SLC14A2: variants seen among roughly 807,000 people sequenced by gnomAD.
SLC14A2 encodes the protein urea transporter 2.
Under a neutral mutation model 104.6 loss-of-function variants are expected in SLC14A2, and 91 were observed. The ratio of observed to expected loss-of-function variants is 0.87; its 90% CI spans 0.73 to 1.04. The LOEUF (loss-of-function observed/expected upper bound fraction) is 1.04, where lower values mean the gene tolerates loss of function less well. Ranked by LOEUF, SLC14A2 falls within the 50% of genes least tolerant of loss-of-function variation. SLC14A2 has a pLI of 0.00. For missense variants in SLC14A2, 1,189 were observed against 1,156.0 expected (o/e 1.03, Z -0.41); for synonymous variants, 476 against 466.4 (o/e 1.02, Z -0.27).
chr18:45,230,850 A>G (rs2084167597), intron 1 of SLC14A2, among the ~76,000 whole-genome samples: 1 of 152,204 alleles, frequency 6.6e-6, no homozygotes, highest in Admixed American at 6.5e-5. Context: ...TGTCTTCTGG[A>G]ACGTAGTTTC....
chr18:45,377,294 C>G (rs1339307792), intron 1 of SLC14A2, among the ~76,000 whole-genome samples: 1 of 151,772 alleles, frequency 6.6e-6, no homozygotes, highest in Admixed American at 6.6e-5. Flanking sequence ...CCCCTAAACA[C>G]AGATATTCTC....
At chr18:45,373,558 C>T (rs1372976472) in intron 1 of SLC14A2, among the ~76,000 whole-genome samples, 1 of 152,190 alleles carries the variant, frequency 6.6e-6, no homozygotes, top group Non-Finnish European at 1.5e-5. Flanking sequence ...GATTTAGAGG[C>T]TTAAGTGGAA....
At chr18:45,287,299 G>A (rs2084824349) in intron 1 of SLC14A2, among the ~76,000 whole-genome samples, 1 of 152,206 alleles carries the variant, frequency 6.6e-6, no homozygotes, top group Non-Finnish European at 1.5e-5. Flanking sequence ...AAATGTTTTT[G>A]GGAGAAATTA....
At chr18:45,261,650 C>T (rs954509262) in intron 1 of SLC14A2, among the ~76,000 whole-genome samples, 3 of 151,882 alleles carry the variant, frequency 2.0e-5, no homozygotes, top group Non-Finnish European at 4.4e-5. Context: ...TAAGTGAGAA[C>T]ATGCGGTGTT....
At chr18:45,377,344 G>C (rs768888628) in intron 1 of SLC14A2, among the ~76,000 whole-genome samples, 2 of 151,810 alleles carry the variant, frequency 1.3e-5, no homozygotes, top group Non-Finnish European at 2.9e-5. Flanking sequence ...ATCCCTTGAT[G>C]GTTAAATCTT....
chr18:45,467,772 A>G (rs957465576), intron 1 of SLC14A2, among the ~76,000 whole-genome samples: 3 of 152,224 alleles, frequency 2.0e-5, no homozygotes, highest in African/African-American at 7.2e-5. Context: ...AAATGTTACC[A>G]ACCCACTCCA....
At chr18:45,526,716 G>T (rs558613892) in intron 2 of SLC14A2, among the ~76,000 whole-genome samples, 2 of 152,050 alleles carry the variant, frequency 1.3e-5, no homozygotes, top group African/African-American at 2.4e-5. Context: ...CAGAAAGTTC[G>T]TGGGGAAGAG....
intron 1 of SLC14A2, among the ~76,000 whole-genome samples, chr18:45,474,931 G>T (rs2087329308): frequency 6.6e-6 from 1 of 151,946 alleles, no homozygotes; most frequent in African/African-American, 2.4e-5. Flanking sequence ...TTTTGAATTT[G>T]TTTGCTCTTG....
intron 1 of SLC14A2, among the ~76,000 whole-genome samples, chr18:45,359,783 G>T (rs1015042427): frequency 6.6e-6 from 1 of 152,178 alleles, no homozygotes; most frequent in African/African-American, 2.4e-5. Flanking sequence ...AATGGGGCAG[G>T]GTGTCCTGGC....
intron 2 of SLC14A2, among the ~76,000 whole-genome samples, chr18:45,571,987 A>AC (rs541502437): frequency 8.7e-4 from 133 of 152,252 alleles, no homozygotes; most frequent in African/African-American, 2.9e-3. Flanking sequence ...CAGTGCATAG[A>AC]CCCCATCCTG....
intron 1 of SLC14A2, among the ~76,000 whole-genome samples, chr18:45,319,946 T>C (rs2085168636): frequency 6.6e-6 from 1 of 152,204 alleles, no homozygotes; most frequent in Non-Finnish European, 1.5e-5. Flanking sequence ...ATATAGTGTA[T>C]CCAGTGGCAG....
chr18:45,389,260 G>GT (rs761788522), intron 1 of SLC14A2, among the ~76,000 whole-genome samples: 62 of 152,282 alleles, frequency 4.1e-4, no homozygotes, highest in Non-Finnish European at 7.8e-4. Flanking sequence ...TTTGCGACTT[G>GT]TTTTCCTGAC....
At chr18:45,241,242 GA>G (rs1246560059) in intron 1 of SLC14A2, among the ~76,000 whole-genome samples, 4 of 152,206 alleles carry the variant, frequency 2.6e-5, no homozygotes, top group African/African-American at 4.8e-5. Context: ...TTTATTTGAA[GA>G]ATCAGGAAGC....
chr18:45,397,342 T>C (rs2086045831), intron 1 of SLC14A2, among the ~76,000 whole-genome samples: 1 of 152,204 alleles, frequency 6.6e-6, no homozygotes, highest in African/African-American at 2.4e-5. Flanking sequence ...ATTGACTTTT[T>C]AATAGTAACC....
intron 5 of SLC14A2, among the ~76,000 whole-genome samples, chr18:45,633,441 A>T (rs1241996366): frequency 6.6e-6 from 1 of 152,212 alleles, no homozygotes; most frequent in African/African-American, 2.4e-5. Flanking sequence ...AGATGAAATA[A>T]GAAGGTCACC....
intron 10 of SLC14A2, among the ~76,000 whole-genome samples, chr18:45,648,496 C>T (rs990066318): frequency 1.3e-5 from 2 of 148,204 alleles, no homozygotes; most frequent in African/African-American, 4.9e-5. Flanking sequence ...TGAGCCACCA[C>T]GCCCGGCCTA....
chr18:45,671,262 CCCACCACCACCA>C (rs373334975), intron 16 of SLC14A2, among the ~76,000 whole-genome samples: 1 of 151,560 alleles, frequency 6.6e-6, no homozygotes, highest in African/African-American at 2.4e-5. Flanking sequence ...ACACTTGAGA[CCCACCACCACCA>C]CCACCACCAC....
chr18:45,299,089 G>C (rs1411390059), intron 1 of SLC14A2, among the ~76,000 whole-genome samples: 1 of 152,198 alleles, frequency 6.6e-6, no homozygotes, highest in Non-Finnish European at 1.5e-5. Context: ...CGGTAAGAAA[G>C]ATACAGCATT....
chr18:45,640,479 T>A lies in SLC14A2; in HGVS notation c.991+586T>A, dbSNP rs1001433293. Among the ~76,000 whole-genome samples the A allele has an allele frequency of 3.3e-5, 5 of 152,302 alleles. 1 individual carries two copies. The highest frequency in any genetic ancestry group is 6.5e-5 in the Admixed American group (1 of 15,302). On this transcript the variant is annotated intron_variant, in intron 7 of 19. Transcript: ENST00000255226. ...AAGAAAATTGTTCTCAAACATTGGA[T>A]TGCCACTTAACAAATGTGCTTTAAT...
Sources: gnomAD v4.1 joint callset for allele counts (sites outside exome capture counted in the v4.1 genomes callset) on GRCh38, gnomAD v4.1.1 for gene constraint, MANE v1.5 for transcripts, NCBI Gene and HGNC (gene_info 2026-07-23, HGNC 2026-07-21) for gene names.